The following RBFOX1 variants were observed in gnomAD, a reference collection of about 807,000 sequenced individuals.
RBFOX1 encodes the protein RNA binding protein fox-1 homolog 1.
A neutral mutation model predicts 57.7 loss-of-function variants in RBFOX1; 8 were observed. The observed-to-expected ratio is 0.14, with a 90% CI of 0.08 to 0.25. The LOEUF is 0.25. RBFOX1 is among the 10% of genes least tolerant of loss of function. The probability of loss-of-function intolerance (pLI) is 1.00; values close to 1 mark genes in which losing one functional copy is unlikely to be tolerated. For missense variants in RBFOX1, 611 were observed against 548.5 expected (o/e 1.11, Z -1.14); for synonymous variants, 326 against 222.4 (o/e 1.47, Z -4.15).
intron 3 of RBFOX1, among the ~76,000 whole-genome samples, chr16:5,658,845 ATATG>A (rs2049549930): frequency 6.7e-6 from 1 of 148,416 alleles, no homozygotes; most frequent in African/African-American, 2.5e-5. Flanking sequence ...TATATATAAT[ATATG>A]TATATATATG....
intron 1 of RBFOX1, among the ~76,000 whole-genome samples, chr16:6,121,489 C>G (rs2096548976): frequency 6.6e-6 from 1 of 152,212 alleles, no homozygotes; most frequent in African/African-American, 2.4e-5. Context: ...CCAGTACCCC[C>G]AAATTCTAGC....
chr16:7,527,072 C>T (rs190130014), intron 5 of RBFOX1, among the ~76,000 whole-genome samples: 2 of 152,298 alleles, frequency 1.3e-5, no homozygotes, highest in East Asian at 1.9e-4. Flanking sequence ...TTGAGACCTG[C>T]GCCTTGAGCA....
chr16:6,743,692 G>A (rs2072870020), intron 3 of RBFOX1, among the ~76,000 whole-genome samples: 1 of 151,756 alleles, frequency 6.6e-6, no homozygotes, highest in African/African-American at 2.4e-5. Context: ...GCACTGGGCT[G>A]TCATCACACC....
At chr16:6,642,364 C>G (rs1159642122) in intron 2 of RBFOX1, among the ~76,000 whole-genome samples, 3 of 152,140 alleles carry the variant, frequency 2.0e-5, no homozygotes, top group Admixed American at 6.5e-5. Context: ...TCATTAAACT[C>G]CCGCTGTGAT....
At chr16:6,829,668 C>A (rs1020067941) in intron 3 of RBFOX1, among the ~76,000 whole-genome samples, 1 of 152,022 alleles carries the variant, frequency 6.6e-6, no homozygotes, top group Non-Finnish European at 1.5e-5. Flanking sequence ...GGGGCGTGAT[C>A]TTGGCTCACT....
At chr16:6,005,532 C>T (rs2060678207) in intron 4 of RBFOX1, among the ~76,000 whole-genome samples, 1 of 152,196 alleles carries the variant, frequency 6.6e-6, no homozygotes, top group African/African-American at 2.4e-5. Flanking sequence ...TCAACTTTGG[C>T]AGTGTTGACG....
chr16:6,838,078 G>C (rs2093232854), intron 3 of RBFOX1, among the ~76,000 whole-genome samples: 1 of 151,650 alleles, frequency 6.6e-6, no homozygotes, highest in Non-Finnish European at 1.5e-5. Flanking sequence ...TGTTACAAAG[G>C]TATACATGTG....
chr16:6,552,651 T>C (rs2097014145), intron 2 of RBFOX1, among the ~76,000 whole-genome samples: 1 of 152,084 alleles, frequency 6.6e-6, no homozygotes, highest in Non-Finnish European at 1.5e-5. Context: ...CCTTGGAAAA[T>C]GGAAAAAGAA....
chr16:6,929,476 C>T (rs1190341584), intron 3 of RBFOX1, among the ~76,000 whole-genome samples: 1 of 152,090 alleles, frequency 6.6e-6, no homozygotes, highest in Non-Finnish European at 1.5e-5. Context: ...GTATTCTAAG[C>T]AGTTTTTGAC....
At chr16:7,181,978 G>T (rs1435962307) in intron 4 of RBFOX1, among the ~76,000 whole-genome samples, 1 of 152,148 alleles carries the variant, frequency 6.6e-6, no homozygotes, top group African/African-American at 2.4e-5. Flanking sequence ...TTGTAACAGA[G>T]ATAGTGAATA....
At chr16:5,677,790 G>T (rs999633060) in intron 3 of RBFOX1, among the ~76,000 whole-genome samples, 4 of 152,166 alleles carry the variant, frequency 2.6e-5, no homozygotes, top group African/African-American at 9.7e-5. Context: ...CATGTGGAAA[G>T]GCTTGGTGGT....
intron 3 of RBFOX1, among the ~76,000 whole-genome samples, chr16:5,685,366 C>T (rs1340277439): frequency 1.3e-5 from 2 of 152,168 alleles, no homozygotes; most frequent in South Asian, 2.1e-4. Context: ...TGGAGGGGCT[C>T]TTATGAGTAG....
chr16:7,465,501 A>T (rs2060354552), intron 4 of RBFOX1, among the ~76,000 whole-genome samples: 1 of 152,226 alleles, frequency 6.6e-6, no homozygotes, highest in South Asian at 2.1e-4. Context: ...ATGGCCTAGC[A>T]CATATTCTGT....
intron 4 of RBFOX1, among the ~76,000 whole-genome samples, chr16:7,482,587 T>C (rs1372679952): frequency 2.9e-5 from 4 of 139,974 alleles, no homozygotes; most frequent in Non-Finnish European, 6.1e-5. Context: ...GTCATGAAGA[T>C]ATTGCCTAGC....
intron 3 of RBFOX1, among the ~76,000 whole-genome samples, chr16:6,902,380 G>A (rs537826219): frequency 1.5e-4 from 23 of 152,248 alleles, no homozygotes; most frequent in Admixed American, 1.2e-3. Context: ...TGAATATCTG[G>A]AGCTATCAAG....
chr16:7,646,114 T>C (rs1319873324), intron 11 of RBFOX1, among the ~76,000 whole-genome samples: 1 of 152,260 alleles, frequency 6.6e-6, no homozygotes, highest in Non-Finnish European at 1.5e-5. Flanking sequence ...TAAAATCCTA[T>C]GTTATAAACC....
chr16:6,002,794 T>C (rs1384860734), intron 4 of RBFOX1, among the ~76,000 whole-genome samples: 1 of 152,224 alleles, frequency 6.6e-6, no homozygotes, highest in Non-Finnish European at 1.5e-5. Flanking sequence ...CAATAGTAAA[T>C]TGATTGAGTT....
At chr16:6,832,788 A>T (rs12918297) in intron 3 of RBFOX1, among the ~76,000 whole-genome samples, 58,221 of 151,862 alleles carry the variant, frequency 0.38, 12,376 homozygotes, top group East Asian at 0.65. Context: ...TTGTGCTCCT[A>T]GGTGAGCAGC....
chr16:7,076,891 G>C (rs2058393949), intron 4 of RBFOX1, among the ~76,000 whole-genome samples: 1 of 152,200 alleles, frequency 6.6e-6, no homozygotes, highest in South Asian at 2.1e-4. Context: ...CCAGTGAACA[G>C]ACTGCTGGTT....
Sources: gnomAD v4.1 joint callset for allele counts (sites outside exome capture counted in the v4.1 genomes callset) on GRCh38, gnomAD v4.1.1 for gene constraint, MANE v1.5 for transcripts, NCBI Gene and HGNC (gene_info 2026-07-23, HGNC 2026-07-21) for gene names.